Variants in TMEM244 observed in about 807,000 individuals in gnomAD.
TMEM244 encodes the protein putative transmembrane protein 244.
In TMEM244, 13 loss-of-function variants were observed where a neutral mutation model predicts 15.8. The observed-to-expected ratio is 0.82, with a 90% CI of 0.53 to 1.30. The LOEUF (loss-of-function observed/expected upper bound fraction) is 1.30, where lower values mean the gene tolerates loss of function less well. TMEM244 is among the 50% of genes most tolerant of loss of function. The pLI is 0.00. For missense variants in TMEM244, 161 were observed against 144.9 expected (o/e 1.11, Z -0.57); for synonymous variants, 45 against 48.7 (o/e 0.92, Z 0.32).
chr6:129,840,437 G>A (rs1433601524), intron 3 of TMEM244, among the ~76,000 whole-genome samples: 1 of 152,134 alleles, frequency 6.6e-6, no homozygotes, highest in African/African-American at 2.4e-5. Context: ...ACTCAAGATG[G>A]ATAAAGACTT....
chr6:129,844,902 T>C (rs1458654358), intron 2 of TMEM244, among the ~76,000 whole-genome samples: 2 of 152,328 alleles, frequency 1.3e-5, no homozygotes, highest in African/African-American at 4.8e-5. Context: ...ATTCCTTGCT[T>C]GCACAATAAA....
chr6:129,843,708 A>G, intron 2 of TMEM244, 105 bp from the exon 3 acceptor site: 1 of 768,392 alleles, frequency 1.3e-6, no homozygotes, highest in Non-Finnish European at 2.1e-6. Flanking sequence ...AAGCTATGCG[A>G]TTCACCCACA....
chr6:129,843,646 A>C, intron 2 of TMEM244, 43 bp from the exon 3 acceptor site: 2 of 1,361,926 alleles, frequency 1.5e-6, no homozygotes, highest in Non-Finnish European at 2.1e-6. Context: ...TGAATGAGGC[A>C]GTTCATAACA....
intron 2 of TMEM244, among the ~76,000 whole-genome samples, chr6:129,845,303 G>A (rs980705066): frequency 6.6e-6 from 1 of 152,158 alleles, no homozygotes; most frequent in East Asian, 1.9e-4. Flanking sequence ...TGATCTTTAA[G>A]CTCCTTTCTT....
intron 1 of TMEM244, among the ~76,000 whole-genome samples, chr6:129,847,984 G>A (rs977293667): frequency 2.4e-4 from 37 of 152,000 alleles, no homozygotes; most frequent in Non-Finnish European, 1.5e-4. Context: ...ATGTTGGTCA[G>A]GCTGGTCTCA....
intron 4 of TMEM244, among the ~76,000 whole-genome samples, chr6:129,831,965 A>G (rs1776334620): frequency 6.6e-6 from 1 of 152,036 alleles, no homozygotes; most frequent in Admixed American, 6.6e-5. Context: ...TGAGTTACTG[A>G]GGGAGGGTTT....
In TMEM244 at chr6:129,861,196, T is replaced by A; in HGVS notation, c.-8A>T. 3.1e-6 allele frequency: 5 copies of A among 1,613,664 alleles called. No individual in the cohort carries two copies. The highest frequency in any genetic ancestry group is 2.2e-5 in the East Asian group (1 of 44,846). On this transcript the variant is annotated 5_prime_UTR_variant, in exon 1 of 5. The change abolishes an upstream ATG in the 5' untranslated region. Coordinates refer to ENST00000368143, the MANE Select transcript of TMEM244 (RefSeq NM_001010876.2). Reference sequence around the variant, plus strand: ...TCTGACCTGGAGAGCCATGTACACATCCTACGTCAAGGAGGTGATGAAAGC... The same window carrying A: ...TCTGACCTGGAGAGCCATGTACACAACCTACGTCAAGGAGGTGATGAAAGC...
intron 3 of TMEM244, among the ~76,000 whole-genome samples, chr6:129,842,135 A>G (rs935873818): frequency 1.3e-5 from 2 of 152,188 alleles, no homozygotes; most frequent in African/African-American, 4.8e-5. Context: ...ATGAAAAAAC[A>G]CAGCCTTCTC....
intron 1 of TMEM244, among the ~76,000 whole-genome samples, chr6:129,851,540 G>A (rs545765154): frequency 3.9e-5 from 6 of 152,224 alleles, no homozygotes; most frequent in South Asian, 2.1e-4. Context: ...AAAGTGCTGG[G>A]ATTACAGTCA....
At chr6:129,856,992 C>T (rs2114647482) in intron 1 of TMEM244, among the ~76,000 whole-genome samples, 1 of 151,956 alleles carries the variant, frequency 6.6e-6, no homozygotes. Context: ...ATTTTACACA[C>T]TTCCTGTTAA....
chr6:129,848,425 C>A (rs1168564932), intron 1 of TMEM244, among the ~76,000 whole-genome samples: 1 of 152,162 alleles, frequency 6.6e-6, no homozygotes, highest in Non-Finnish European at 1.5e-5. Context: ...GACATCATGA[C>A]TGCGCTTCCG....
At chr6:129,847,476 C>A (rs1218796030) in intron 1 of TMEM244, among the ~76,000 whole-genome samples, 1 of 152,126 alleles carries the variant, frequency 6.6e-6, no homozygotes, top group African/African-American at 2.4e-5. Context: ...AGAGAGTATA[C>A]CACAACGAAT....
intron 3 of TMEM244, among the ~76,000 whole-genome samples, chr6:129,840,035 C>T (rs1273306605): frequency 1.3e-5 from 2 of 152,156 alleles, no homozygotes; most frequent in Non-Finnish European, 2.9e-5. Flanking sequence ...ATGCCATCCC[C>T]ATCAAGCTAC....
chr6:129,844,768 C>T (rs995095577), intron 2 of TMEM244, among the ~76,000 whole-genome samples: 3 of 152,196 alleles, frequency 2.0e-5, no homozygotes, highest in South Asian at 2.1e-4. Context: ...TGCACGTGAG[C>T]GCCAGATACT....
intron 1 of TMEM244, among the ~76,000 whole-genome samples, chr6:129,849,978 A>C (rs935020310): frequency 6.6e-6 from 1 of 152,206 alleles, no homozygotes; most frequent in Non-Finnish European, 1.5e-5. Flanking sequence ...AAGGCATCGC[A>C]TCTGCATTAC....
At chr6:129,837,161 G>A (rs1042196701) in intron 3 of TMEM244, among the ~76,000 whole-genome samples, 5 of 152,144 alleles carry the variant, frequency 3.3e-5, no homozygotes, top group Admixed American at 2.6e-4. Flanking sequence ...AAAATGTTAA[G>A]GGCAGCCAGA....
At chr6:129,838,608 C>T (rs921890966) in intron 3 of TMEM244, among the ~76,000 whole-genome samples, 26 of 152,138 alleles carry the variant, frequency 1.7e-4, no homozygotes, top group African/African-American at 6.0e-4. Flanking sequence ...GAGATGGAGA[C>T]ACAAAAACCC....
At chr6:129,847,781 T>C (rs1369860042) in intron 1 of TMEM244, among the ~76,000 whole-genome samples, 2 of 150,800 alleles carry the variant, frequency 1.3e-5, no homozygotes, top group Non-Finnish European at 3.0e-5. Flanking sequence ...TTTTCTTTTT[T>C]TTTTTTTTTT....
intron 4 of TMEM244, among the ~76,000 whole-genome samples, chr6:129,833,140 A>T (rs1776354025): frequency 6.6e-6 from 1 of 152,216 alleles, no homozygotes; most frequent in South Asian, 2.1e-4. Context: ...AAATTGTGCT[A>T]TGGTTATATG....
Sources: allele counts gnomAD v4.1 joint callset (sites outside exome capture counted in the v4.1 genomes callset), GRCh38; gene constraint gnomAD v4.1.1; transcripts MANE v1.5; gene names NCBI Gene and HGNC (gene_info 2026-07-23, HGNC 2026-07-21).